Variants in ARL13B observed in about 807,000 individuals in gnomAD.
ARL13B encodes ARF like GTPase 13B, also known as ADP-ribosylation factor-like protein 13B.
ARL13B carries 36 observed loss-of-function variants against 56.1 expected under a neutral mutation model. That is an observed-to-expected ratio of 0.64 (90% CI 0.49 to 0.85). ARL13B has a LOEUF of 0.85. Ranked by LOEUF, ARL13B falls within the 40% of genes least tolerant of loss-of-function variation. The pLI, the probability that ARL13B is intolerant of heterozygous loss-of-function variation, is 0.00. For synonymous variants in ARL13B, 178 were observed against 171.1 expected, an observed-to-expected ratio of 1.04 and a Z score of -0.32; for missense variants, 519 against 507.1, an observed-to-expected ratio of 1.02 and a Z score of -0.23.
intron 3 of ARL13B, among the ~76,000 whole-genome samples, chr3:94,009,074 AAGATAGATAGATAGATAGAT>A (rs58584662): frequency 1.4e-5 from 2 of 143,868 alleles, no homozygotes; most frequent in South Asian, 2.3e-4. Context: ...AGGAGCAGTA[AAGATAGATAGATAGATAGAT>A]AGATAGATAG....
intron 3 of ARL13B, among the ~76,000 whole-genome samples, chr3:94,028,959 C>T (rs191551996): frequency 3.4e-4 from 51 of 152,038 alleles, no homozygotes; most frequent in Admixed American, 1.2e-3. Context: ...GAGCTTAGCT[C>T]ACAAAATCAT....
intron 1 of ARL13B, among the ~76,000 whole-genome samples, chr3:93,993,009 C>T (rs1319398990): frequency 7.5e-5 from 11 of 146,964 alleles, no homozygotes; most frequent in Admixed American, 1.4e-4. Flanking sequence ...TTCACCGTGT[C>T]GTCCAGGCTA....
chr3:94,039,858 AT>A (rs1560007305), intron 5 of ARL13B, 21 bp from the exon 6 acceptor site: 1 of 1,607,404 alleles, frequency 6.2e-7, no homozygotes, highest in Admixed American at 1.7e-5. Flanking sequence ...GGAAATTTCA[AT>A]TATTTTTCCT....
At chr3:94,049,604 T>C (rs979123697) in intron 8 of ARL13B, 82 bp downstream of exon 8, 1 of 1,048,056 alleles carries the variant, frequency 9.5e-7, no homozygotes, top group Non-Finnish European at 1.4e-6. Context: ...AGGAATCTTG[T>C]CATTTTTATT....
intron 1 of ARL13B, among the ~76,000 whole-genome samples, chr3:93,991,548 A>T (rs1455890329): frequency 3.9e-5 from 6 of 152,074 alleles, no homozygotes; most frequent in African/African-American, 2.4e-5. Context: ...CTAATTTTTT[A>T]AAAAAGTTGT....
chr3:94,015,325 T>A (rs2076308866), intron 3 of ARL13B: 3 of 1,451,612 alleles, frequency 2.1e-6, no homozygotes, highest in Admixed American at 2.5e-5. Flanking sequence ...AGAAATTTGG[T>A]ATTTTTCCCC....
intron 2 of ARL13B, among the ~76,000 whole-genome samples, chr3:93,998,691 T>C (rs899942121): frequency 4.6e-5 from 7 of 152,322 alleles, no homozygotes; most frequent in Admixed American, 2.6e-4. Context: ...CCTTACTTAG[T>C]AGAATTGATC....
intron 1 of ARL13B, 71 bp from the exon 2 acceptor site, chr3:93,995,803 G>A (rs1280199496): frequency 5.2e-6 from 7 of 1,358,376 alleles, no homozygotes; most frequent in Non-Finnish European, 7.2e-6. Context: ...TTTAATTAAT[G>A]AATTTGCATT....
chr3:94,049,324 ATTC>A (rs2077031662), intron 7 of ARL13B, 79 bp from the exon 8 acceptor site: 1 of 790,138 alleles, frequency 1.3e-6, no homozygotes, highest in African/African-American at 1.8e-5. Context: ...TAATATCAGT[ATTC>A]TTGTTGTATT....
intron 1 of ARL13B, among the ~76,000 whole-genome samples, chr3:93,986,082 A>G (rs1270300177): frequency 3.3e-5 from 5 of 152,160 alleles, no homozygotes; most frequent in Non-Finnish European, 7.4e-5. Flanking sequence ...AGGATTATCT[A>G]TTGTGCTGTA....
intron 3 of ARL13B, among the ~76,000 whole-genome samples, chr3:94,013,713 A>AG (rs35685036): frequency 5.9e-5 from 9 of 152,188 alleles, no homozygotes; most frequent in Non-Finnish European, 2.9e-5. Context: ...TGGGAGGCCC[A>AG]GGGGGGCGGA....
Position 94,054,100 on chromosome 3 carries a change from A to T in ARL13B, c.*837A>T, listed in dbSNP as rs1192353646. 1 of 452,456 alleles carries T rather than the reference A, an allele frequency of 2.2e-6. No homozygotes were observed. Among genetic ancestry groups the T allele is most frequent in the Non-Finnish European group, 4.4e-6 (1 of 225,806 alleles). The allele number at this position is 452,456 out of a possible 1,614,324, so 28.0% of individuals were successfully genotyped here. On this transcript the variant is annotated 3_prime_UTR_variant, in exon 10 of 10. Coordinates refer to ENST00000394222, the MANE Select transcript of ARL13B (RefSeq NM_001174150.2). ...AGTAAAGTCCTATTTTAAAGGTTAG[A>T]CACTTTCAGAGATCAAGGTGCTCCC... is the stretch of plus-strand genomic sequence containing the variant.
In ARL13B at chr3:94,054,365, G is replaced by C; in HGVS notation, c.*1102G>C. 1 of 428,232 alleles carries C rather than the reference G, an allele frequency of 2.3e-6. No individual in the cohort carries two copies. The highest frequency in any genetic ancestry group is 1.7e-5 in the South Asian group (1 of 57,500). The allele number at this position is 428,232 out of a possible 1,614,324, so 26.5% of individuals were successfully genotyped here. On this transcript the variant is annotated 3_prime_UTR_variant, in exon 10 of 10. Transcript: ENST00000394222. ...CCAAAATAATTTCTTAATTTAAAATGATAGCACTTCTCTTGCACTTAAGAA... is the reference window on the plus strand; with the variant it reads ...CCAAAATAATTTCTTAATTTAAAATCATAGCACTTCTCTTGCACTTAAGAA...
chr3:94,049,634 T>C (rs535619087), intron 8 of ARL13B, 112 bp downstream of exon 8: 7 of 748,158 alleles, frequency 9.4e-6, no homozygotes, highest in Admixed American at 2.9e-5. Flanking sequence ...CATTATCTTG[T>C]ATACTTGTGA....
At chr3:93,991,628 C>T (rs62266151) in intron 1 of ARL13B, among the ~76,000 whole-genome samples, 27,793 of 152,202 alleles carry the variant, frequency 0.18, 3,149 homozygotes, top group Non-Finnish European at 0.25. Flanking sequence ...GCTTCAGCCC[C>T]GCAGAGTGCT....
At chr3:94,032,930 A>G (rs1417366994) in intron 3 of ARL13B, among the ~76,000 whole-genome samples, 1 of 152,258 alleles carries the variant, frequency 6.6e-6, no homozygotes, top group Non-Finnish European at 1.5e-5. Flanking sequence ...TTATCACAGC[A>G]TTATTCACAG....
rs760642945 is a variant in ARL13B at position 94,050,863 on chromosome 3, T to C, written c.1181T>C (p.Leu394Pro). 1.2e-6 allele frequency: 2 copies of C among 1,613,128 alleles called. No homozygotes were observed. Among genetic ancestry groups the C allele is most frequent in the Admixed American group, 1.7e-5 (1 of 60,020 alleles). The change falls in exon 9 of 10, where the codon CTT becomes CCT. Residue 394 changes from leucine to proline, a missense_variant. Coordinates refer to ENST00000394222, the MANE Select transcript of ARL13B (RefSeq NM_001174150.2). ...CCTAAAGTCACTAGACTTCCAAAAC[T>C]TGAGCCTCTTGGTGAAACACATCAT... ...GTPKVTRLPK[L>P]EPLGETHHND...
In ARL13B at chr3:94,003,364, A is replaced by G. The variant is rs79101254; in HGVS notation, c.131-295A>G. Among the ~76,000 whole-genome samples, 5,175 of 152,270 alleles carry G rather than the reference A, an allele frequency of 0.034. 284 individuals carry two copies. The highest frequency in any genetic ancestry group is 0.12 in the African/African-American group (4,849 of 41,538). ...TTTTATTGTTTGTAACTTGGACAGT[A>G]AATAGCCTTAAAGGCAAGAGTTTAT... On this transcript the variant is annotated intron_variant, in intron 2 of 9. Coordinates refer to ENST00000394222, the MANE Select transcript of ARL13B (RefSeq NM_001174150.2).
intron 3 of ARL13B, among the ~76,000 whole-genome samples, chr3:94,010,600 TTAAG>T (rs1222177807): frequency 1.3e-5 from 2 of 152,046 alleles, no homozygotes; most frequent in African/African-American, 2.4e-5. Flanking sequence ...TTAGTGCCTA[TTAAG>T]TGTGTATATA....
Sources: gnomAD v4.1 joint callset for allele counts (sites outside exome capture counted in the v4.1 genomes callset) on GRCh38, gnomAD v4.1.1 for gene constraint, MANE v1.5 for transcripts, NCBI Gene and HGNC (gene_info 2026-07-23, HGNC 2026-07-21) for gene names.